The following CSMD3 variants were observed in gnomAD, a reference collection of about 807,000 sequenced individuals.
CSMD3 encodes CUB and sushi domain-containing protein 3.
Under a neutral mutation model 435.2 loss-of-function variants are expected in CSMD3, and 177 were observed. That is an observed-to-expected ratio of 0.41 (90% confidence interval 0.36 to 0.46). CSMD3 has a LOEUF of 0.46. CSMD3 is among the 20% of genes least tolerant of loss of function. The pLI is 0.34. For missense variants in CSMD3, 4,265 were observed against 4,504.6 expected (o/e 0.95, Z 1.52); for synonymous variants, 1,656 against 1,520.5 (o/e 1.09, Z -2.07).
intron 1 of CSMD3, among the ~76,000 whole-genome samples, chr8:113,374,263 G>T (rs2133067098): frequency 6.6e-6 from 1 of 152,010 alleles, no homozygotes; most frequent in East Asian, 1.9e-4. Context: ...AAGATATTAA[G>T]AAAAATATAC....
At chr8:112,948,914 G>T (rs2083708792) in intron 8 of CSMD3, among the ~76,000 whole-genome samples, 1 of 151,862 alleles carries the variant, frequency 6.6e-6, no homozygotes, top group South Asian at 2.1e-4. Flanking sequence ...GGAGTTTTTG[G>T]TTTTTATTTT....
intron 59 of CSMD3, among the ~76,000 whole-genome samples, chr8:112,270,358 G>C (rs1203479212): frequency 8.3e-6 from 1 of 120,518 alleles, no homozygotes; most frequent in African/African-American, 4.5e-5. Flanking sequence ...GTGTGTGTGT[G>C]TGTGTGTGTG....
intron 35 of CSMD3, among the ~76,000 whole-genome samples, chr8:112,397,737 C>T (rs922380060): frequency 1.3e-5 from 2 of 152,138 alleles, no homozygotes; most frequent in Admixed American, 1.3e-4. Flanking sequence ...CCAATCCCTG[C>T]CCCCAATACT....
At chr8:112,817,454 A>ATTAT (rs59642233) in intron 12 of CSMD3, among the ~76,000 whole-genome samples, 2 of 151,572 alleles carry the variant, frequency 1.3e-5, no homozygotes, top group East Asian at 1.9e-4. Context: ...CTGTGAAACA[A>ATTAT]AGTTCTTTTG....
chr8:112,920,997 GCACA>G (rs747366512), intron 10 of CSMD3, among the ~76,000 whole-genome samples: 5,367 of 114,874 alleles, frequency 0.047, 204 homozygotes, highest in African/African-American at 0.11. Flanking sequence ...ACGCGCGCGC[GCACA>G]CACACACACA....
intron 10 of CSMD3, among the ~76,000 whole-genome samples, chr8:112,864,578 G>GT (rs2080923485): frequency 6.6e-6 from 1 of 152,002 alleles, no homozygotes; most frequent in Non-Finnish European, 1.5e-5. Flanking sequence ...AACAAAAATA[G>GT]TTAGCAATTC....
intron 1 of CSMD3, among the ~76,000 whole-genome samples, chr8:113,408,789 C>T (rs555064224): frequency 1.6e-4 from 24 of 151,876 alleles, no homozygotes; most frequent in Admixed American, 2.0e-4. Context: ...CTCAGCCTCC[C>T]GAGTAGCTGG....
chr8:113,284,083 G>C (rs2093629842), intron 2 of CSMD3, among the ~76,000 whole-genome samples: 1 of 152,064 alleles, frequency 6.6e-6, no homozygotes. Context: ...TGGGGACTTG[G>C]GGGAGAGGGA....
chr8:112,496,681 T>G (rs1157718680), intron 30 of CSMD3, among the ~76,000 whole-genome samples: 1 of 152,064 alleles, frequency 6.6e-6, no homozygotes, highest in Non-Finnish European at 1.5e-5. Flanking sequence ...CTAAGTAAAA[T>G]AAGTCAGGCA....
chr8:113,222,728 A>G (rs1358608687), intron 3 of CSMD3, among the ~76,000 whole-genome samples: 2 of 151,092 alleles, frequency 1.3e-5, no homozygotes, highest in African/African-American at 2.4e-5. Context: ...AAACATTTCA[A>G]AACAACTCAT....
At chr8:113,061,720 T>C (rs1377668906) in intron 5 of CSMD3, among the ~76,000 whole-genome samples, 1 of 152,006 alleles carries the variant, frequency 6.6e-6, no homozygotes, top group Non-Finnish European at 1.5e-5. Context: ...AGCATTTTTA[T>C]TTAATGTTGT....
At chr8:112,895,091 C>T (rs557144386) in intron 10 of CSMD3, among the ~76,000 whole-genome samples, 1 of 151,470 alleles carries the variant, frequency 6.6e-6, no homozygotes, top group East Asian at 2.0e-4. Context: ...TTATTGAATG[C>T]TTACTGCCTT....
At chr8:112,895,280 A>C (rs1180664300) in intron 10 of CSMD3, among the ~76,000 whole-genome samples, 1 of 151,432 alleles carries the variant, frequency 6.6e-6, no homozygotes, top group African/African-American at 2.4e-5. Flanking sequence ...AAATTTTTTA[A>C]AGGGCAAAAC....
chr8:112,537,785 A>C (rs570736317), intron 27 of CSMD3, among the ~76,000 whole-genome samples: 8 of 152,002 alleles, frequency 5.3e-5, no homozygotes, highest in Non-Finnish European at 1.0e-4. Flanking sequence ...TTCACTGATG[A>C]ATTCTACCAA....
chr8:113,286,525 T>C (rs905057669), intron 2 of CSMD3, among the ~76,000 whole-genome samples: 1 of 152,088 alleles, frequency 6.6e-6, no homozygotes, highest in African/African-American at 2.4e-5. Flanking sequence ...TTCAACTTAA[T>C]GTGATGGGAA....
intron 13 of CSMD3, among the ~76,000 whole-genome samples, chr8:112,752,141 A>G (rs763877739): frequency 2.0e-5 from 3 of 152,116 alleles, no homozygotes; most frequent in Non-Finnish European, 2.9e-5. Flanking sequence ...TGGCCCTAAC[A>G]CACTATTTAA....
intron 4 of CSMD3, among the ~76,000 whole-genome samples, chr8:113,106,781 T>G (rs1412060592): frequency 1.3e-5 from 2 of 152,216 alleles, no homozygotes; most frequent in African/African-American, 4.8e-5. Flanking sequence ...TTCTGATTAA[T>G]AAGTTGTCAG....
At chr8:113,032,557 G>A (rs1278524562) in intron 5 of CSMD3, among the ~76,000 whole-genome samples, 1 of 151,562 alleles carries the variant, frequency 6.6e-6, no homozygotes, top group Admixed American at 6.6e-5. Context: ...TATTTTGAAA[G>A]TGTACATTTA....
At chr8:113,057,546 A>C (rs1304226700) in intron 5 of CSMD3, among the ~76,000 whole-genome samples, 4 of 152,090 alleles carry the variant, frequency 2.6e-5, no homozygotes, top group Non-Finnish European at 5.9e-5. Context: ...AATATTTATG[A>C]AATTATAATT....
Sources: gnomAD v4.1 joint callset for allele counts (sites outside exome capture counted in the v4.1 genomes callset) on GRCh38, gnomAD v4.1.1 for gene constraint, MANE v1.5 for transcripts, NCBI Gene and HGNC (gene_info 2026-07-23, HGNC 2026-07-21) for gene names.